LIPA: variants seen among roughly 807,000 people sequenced by gnomAD.
LIPA encodes the protein lysosomal acid lipase/cholesteryl ester hydrolase.
A neutral mutation model predicts 40.6 loss-of-function variants in LIPA; 26 were observed. The observed-to-expected ratio is 0.64, with a 90% confidence interval of 0.47 to 0.89. LIPA has a LOEUF of 0.89. Ranked by LOEUF, LIPA falls within the 40% of genes least tolerant of loss-of-function variation. The pLI is 0.00. For synonymous variants in LIPA, 188 were observed against 168.4 expected (o/e 1.12, Z -0.90); for missense variants, 455 against 479.6 (o/e 0.95, Z 0.48).
At chr10:89,320,970 G>C (rs1484337017) in intron 1 of LIPA, among the ~76,000 whole-genome samples, 1 of 151,860 alleles carries the variant, frequency 6.6e-6, no homozygotes. Flanking sequence ...AATGGGGAAA[G>C]GATTCCCTAT....
intron 1 of LIPA, among the ~76,000 whole-genome samples, chr10:89,325,088 C>T (rs1330346304): frequency 6.6e-6 from 1 of 151,846 alleles, no homozygotes; most frequent in Non-Finnish European, 1.5e-5. Flanking sequence ...CCTTCAGATA[C>T]CCTAAAAAAA....
intron 2 of LIPA, among the ~76,000 whole-genome samples, chr10:89,389,888 G>A (rs1482005164): frequency 2.6e-5 from 4 of 151,428 alleles, no homozygotes; most frequent in Non-Finnish European, 5.9e-5. Context: ...GAGAATTTCA[G>A]ACATACAATA....
chr10:89,344,391 C>G (rs962721504), upstream of LIPA, among the ~76,000 whole-genome samples: 2 of 152,112 alleles, frequency 1.3e-5, no homozygotes, highest in African/African-American at 4.8e-5. Context: ...GGGGCCTGCA[C>G]GTGGTACATT....
intron 1 of LIPA, among the ~76,000 whole-genome samples, chr10:89,311,616 G>A (rs946990196): frequency 6.7e-6 from 1 of 150,180 alleles, no homozygotes; most frequent in African/African-American, 2.4e-5. Context: ...TAAAACATAT[G>A]TATAAAACTT....
intron 1 of LIPA, among the ~76,000 whole-genome samples, chr10:89,262,384 A>G (rs1477931297): frequency 6.6e-6 from 1 of 152,216 alleles, no homozygotes; most frequent in East Asian, 1.9e-4. Flanking sequence ...TTGCCTCTGC[A>G]TTCTCCATTC....
chr10:89,383,963 T>C (rs769862207), intron 2 of LIPA: 3 of 1,614,152 alleles, frequency 1.9e-6, no homozygotes, highest in Non-Finnish European at 2.5e-6. Flanking sequence ...CCAGATGATG[T>C]ATATATTAGG....
intron 1 of LIPA, among the ~76,000 whole-genome samples, chr10:89,337,742 A>G (rs1843767409): frequency 6.6e-6 from 1 of 152,220 alleles, no homozygotes; most frequent in Admixed American, 6.5e-5. Flanking sequence ...ATTTCCTGTC[A>G]CTGAAGCTGC....
chr10:89,385,740 G>T (rs1472673626), intron 2 of LIPA, among the ~76,000 whole-genome samples: 1 of 152,168 alleles, frequency 6.6e-6, no homozygotes, highest in Non-Finnish European at 1.5e-5. Context: ...TCAAATTTTT[G>T]TTTACATGTG....
intron 1 of LIPA, among the ~76,000 whole-genome samples, chr10:89,287,384 A>G (rs184095790): frequency 1.2e-4 from 18 of 152,282 alleles, no homozygotes; most frequent in Admixed American, 2.0e-4. Context: ...CCCAACTCTG[A>G]TGCCAACTTG....
chr10:89,360,895 C>A (rs953528310), intron 2 of LIPA, among the ~76,000 whole-genome samples: 1 of 152,176 alleles, frequency 6.6e-6, no homozygotes, highest in Non-Finnish European at 1.5e-5. Flanking sequence ...CAGAGCCATG[C>A]GCCCTTTGAA....
At chr10:89,310,280 A>G (rs1289566666) in intron 1 of LIPA, among the ~76,000 whole-genome samples, 1 of 152,048 alleles carries the variant, frequency 6.6e-6, no homozygotes, top group Non-Finnish European at 1.5e-5. Context: ...GTCCCTGGGG[A>G]CAGCTGACCT....
chr10:89,273,681 A>T (rs1226527197), intron 1 of LIPA, among the ~76,000 whole-genome samples: 2 of 152,206 alleles, frequency 1.3e-5, no homozygotes, highest in African/African-American at 2.4e-5. Context: ...AGCCGATGTA[A>T]AGACAGATAA....
chr10:89,279,658 A>G (rs1843305610), intron 1 of LIPA, among the ~76,000 whole-genome samples: 1 of 152,214 alleles, frequency 6.6e-6, no homozygotes, highest in South Asian at 2.1e-4. Context: ...AGGAAAATAT[A>G]AACCCACAAA....
At chr10:89,238,371 G>C (rs1307531585) in intron 3 of LIPA, among the ~76,000 whole-genome samples, 2 of 152,088 alleles carry the variant, frequency 1.3e-5, no homozygotes, top group African/African-American at 4.8e-5. Context: ...TCAGGAGAAG[G>C]GTGGCAATTG....
At chr10:89,371,819 T>A (rs1347804500) in intron 2 of LIPA, among the ~76,000 whole-genome samples, 1 of 152,078 alleles carries the variant, frequency 6.6e-6, no homozygotes, top group African/African-American at 2.4e-5. Context: ...TGATCTATGT[T>A]CTTTTTAGCC....
intron 1 of LIPA, among the ~76,000 whole-genome samples, chr10:89,315,796 T>G (rs1179485940): frequency 6.6e-6 from 1 of 152,110 alleles, no homozygotes; most frequent in East Asian, 1.9e-4. Context: ...AAAAAGGAAA[T>G]TCTGGCTCAA....
chr10:89,272,009 G>T (rs1003871919), intron 1 of LIPA, among the ~76,000 whole-genome samples: 1 of 152,050 alleles, frequency 6.6e-6, no homozygotes, highest in Admixed American at 6.5e-5. Context: ...GGCTGAGGCT[G>T]CAGTGAGCCA....
chr10:89,248,021 C>G lies in LIPA; in HGVS notation c.-1-372G>C, dbSNP rs867439271. The stretch of plus-strand genomic sequence containing the variant: ...TAGCTGGGACAACAGGCACGCACCA[C>G]CACGCCTGGCTAATTTTTGTATTTT... On this transcript the variant is annotated intron_variant, in intron 1 of 9. Transcript: ENST00000336233. Among the ~76,000 whole-genome samples, 91 of 152,044 alleles carry G rather than the reference C, an allele frequency of 6.0e-4. 1 individual carries two copies. Among genetic ancestry groups the G allele is most frequent in the African/African-American group, 2.0e-3 (81 of 41,458 alleles).
At chr10:89,277,475 G>A (rs1843294702) in intron 1 of LIPA, among the ~76,000 whole-genome samples, 1 of 152,198 alleles carries the variant, frequency 6.6e-6, no homozygotes, top group African/African-American at 2.4e-5. Flanking sequence ...TGCATTATAC[G>A]CAGAACATTA....
Sources: allele counts gnomAD v4.1 joint callset (sites outside exome capture counted in the v4.1 genomes callset), GRCh38; gene constraint gnomAD v4.1.1; transcripts MANE v1.5; gene names NCBI Gene and HGNC (gene_info 2026-07-23, HGNC 2026-07-21).